PITPNM3: variants seen among roughly 807,000 people sequenced by gnomAD.
PITPNM3 encodes PITPNM family member 3, also known as membrane-associated phosphatidylinositol transfer protein 3.
Under a neutral mutation model 102.0 loss-of-function variants are expected in PITPNM3, and 26 were observed. The observed-to-expected ratio is 0.25, with a 90% CI of 0.19 to 0.35. The LOEUF is 0.35. PITPNM3 is among the 10% of genes least tolerant of loss of function. The pLI, the probability that PITPNM3 is intolerant of heterozygous loss-of-function variation, is 1.00. For missense variants in PITPNM3, 1,083 were observed against 1,346.1 expected, an observed-to-expected ratio of 0.80 and a Z score of 3.06; for synonymous variants, 578 against 558.6, an observed-to-expected ratio of 1.03 and a Z score of -0.49.
chr17:6,524,591 C>T (rs1331987229), intron 3 of PITPNM3, among the ~76,000 whole-genome samples: 2 of 152,152 alleles, frequency 1.3e-5, no homozygotes, highest in African/African-American at 2.4e-5. Context: ...AGGAGCCCTT[C>T]CTGGATCCCC....
chr17:6,549,874 T>C (rs1023813548), intron 1 of PITPNM3, among the ~76,000 whole-genome samples: 3 of 152,290 alleles, frequency 2.0e-5, no homozygotes, highest in Non-Finnish European at 4.4e-5. Context: ...GGTGATGGCC[T>C]GCCAGGAGGC....
At chr17:6,498,758 G>A (rs1906992175) in intron 4 of PITPNM3, among the ~76,000 whole-genome samples, 2 of 152,150 alleles carry the variant, frequency 1.3e-5, no homozygotes, top group Admixed American at 1.3e-4. Context: ...TTCTGGCTTG[G>A]ATTCATGGAG....
intron 2 of PITPNM3, among the ~76,000 whole-genome samples, chr17:6,531,083 C>T (rs559400809): frequency 3.9e-4 from 60 of 152,166 alleles, no homozygotes; most frequent in Admixed American, 1.4e-3. Flanking sequence ...ATGAAACCAC[C>T]TCTGTTTGTA....
rs545669280 is a variant in PITPNM3, at chr17:6,507,030, C to T, written c.227-3456G>A. ...GCCCAGGGTGGGGACAGCTGCCTCG[C>T]CCCAAGACATGGTGGAGTATAAGCA... On this transcript the variant is annotated intron_variant, in intron 3 of 19. Coordinates refer to ENST00000262483, the MANE Select transcript of PITPNM3 (RefSeq NM_031220.4). Among the ~76,000 whole-genome samples, 3 of 152,310 alleles carry T rather than the reference C, an allele frequency of 2.0e-5. No homozygotes were observed. The East Asian group carries it at 5.8e-4, about 29-fold the overall frequency.
chr17:6,524,261 C>T lies in PITPNM3; in HGVS notation c.226+1095G>A, dbSNP rs754482218. ...CACTCGGCAACTCTGGGCCAGAGCA[C>T]GACTGCGAATGACAGGAGCAATAGA... is the stretch of plus-strand genomic sequence containing the variant. On this transcript the variant is annotated intron_variant, in intron 3 of 19. Coordinates refer to ENST00000262483, the MANE Select transcript of PITPNM3 (RefSeq NM_031220.4). Among the ~76,000 whole-genome samples, 8 of 151,890 alleles carry T rather than the reference C, an allele frequency of 5.3e-5. No individual in the cohort carries two copies. In the South Asian group the frequency reaches 6.2e-4, roughly 12 times the overall value.
At chr17:6,503,460 C>A (rs1375340990) in intron 4 of PITPNM3, 67 bp downstream of exon 4, 1 of 1,547,200 alleles carries the variant, frequency 6.5e-7, no homozygotes, top group East Asian at 2.2e-5. Flanking sequence ...GAGAGGGGAC[C>A]CAGGCTCAAT....
In PITPNM3 at chr17:6,457,770, C is replaced by G. The variant is rs1381420697; in HGVS notation, c.2491-48G>C. On this transcript the variant is annotated intron_variant, in intron 18 of 19. Transcript: ENST00000262483. The surrounding 1 kb of genome is among the most constrained non-coding windows in gnomAD (Gnocchi z 4.7). ...GGGGAGAGTGAGGCCAGCCCACCCCCTGGAAAGCCTTCCCAGGCCAACCCC... is the reference window on the plus strand; with the variant it reads ...GGGGAGAGTGAGGCCAGCCCACCCCGTGGAAAGCCTTCCCAGGCCAACCCC... The G allele has an allele frequency of 6.4e-7, 1 of 1,552,612 alleles. No homozygotes were observed. Among genetic ancestry groups the G allele is most frequent in the Admixed American group, 1.9e-5 (1 of 51,290 alleles).
At chr17:6,493,098 A>C (rs1462219388) in intron 4 of PITPNM3, among the ~76,000 whole-genome samples, 1 of 152,188 alleles carries the variant, frequency 6.6e-6, no homozygotes, top group Non-Finnish European at 1.5e-5. Flanking sequence ...TCAATGACAA[A>C]GACCTAGGTC....
chr17:6,519,762 A>T (rs1908405374), intron 3 of PITPNM3, among the ~76,000 whole-genome samples: 1 of 151,520 alleles, frequency 6.6e-6, no homozygotes, highest in South Asian at 2.1e-4. Flanking sequence ...CCCAGGAGGC[A>T]GAGGTTGCAG....
chr17:6,528,426 TTC>T (rs1392482056), intron 2 of PITPNM3, among the ~76,000 whole-genome samples: 1 of 152,128 alleles, frequency 6.6e-6, no homozygotes, highest in African/African-American at 2.4e-5. Flanking sequence ...CCCCTCCCTG[TTC>T]TCTCTTGCTA....
chr17:6,468,080 G>T lies in PITPNM3; in HGVS notation c.1890+145C>A. ...CAGCTGCAGTGCCTGGGCTCCATCT[G>T]AGTGTGAGCCCCAGCCTGTTTGGGT... On this transcript the variant is annotated intron_variant, in intron 14 of 19. Transcript: ENST00000262483. The surrounding 1 kb of genome is among the most constrained non-coding windows in gnomAD (Gnocchi z 5.2). 6.2e-6 allele frequency: 5 copies of T among 801,322 alleles called. No individual in the cohort carries two copies. Among genetic ancestry groups the T allele is most frequent in the Non-Finnish European group, 1.1e-5 (5 of 472,210 alleles). 49.6% of individuals were successfully genotyped at this position (801,322 alleles called of 1,614,324 possible).
rs769406441 is a variant in PITPNM3, at chr17:6,483,737, G to A, written c.367C>T (p.Arg123Cys). ...AGGAGGACATGTGTCTTGCAGGAGC[G>A]CTGCGGGCAGCCTTCCTGAGAGCCA... ...HEDSEEGCPQ[R>C]SCKTHVLLLV... is the part of the protein sequence containing the mutation. Residue 123 changes from arginine to cysteine, a missense_variant, in exon 6 of 20, where the codon CGC becomes TGC. Transcript: ENST00000262483. The A allele has an allele frequency of 1.3e-5, 21 of 1,612,618 alleles. No individual in the cohort carries two copies. The highest frequency in any genetic ancestry group is 4.5e-5 in the East Asian group (2 of 44,870).
At chr17:6,499,737 T>A (rs1172691479) in intron 4 of PITPNM3, among the ~76,000 whole-genome samples, 1 of 151,986 alleles carries the variant, frequency 6.6e-6, no homozygotes, top group Admixed American at 6.6e-5. Context: ...TATTTATATT[T>A]TATTTTATTT....
chr17:6,508,891 G>A (rs925289834), intron 3 of PITPNM3, among the ~76,000 whole-genome samples: 1 of 152,162 alleles, frequency 6.6e-6, no homozygotes, highest in Non-Finnish European at 1.5e-5. Flanking sequence ...GCTTGAACCT[G>A]GCTTCCTGAT....
rs951268846 is a variant in PITPNM3, at chr17:6,470,615, T to C, written c.1625-207A>G. Among the ~76,000 whole-genome samples the C allele has an allele frequency of 3.3e-5, 5 of 152,120 alleles. No homozygotes were observed. The highest frequency in any genetic ancestry group is 1.2e-4 in the African/African-American group (5 of 41,426). ...AACCCACCAGCCCTCCCCTAAGATG[T>C]GCGTGCCAAGCCCATGCCCAGGAAG... On this transcript the variant is annotated intron_variant, in intron 12 of 19. Coordinates refer to ENST00000262483, the MANE Select transcript of PITPNM3 (RefSeq NM_031220.4). This position sits in a 1 kb window ranked among gnomAD's most constrained non-coding sequence, Gnocchi z 4.8.
chr17:6,532,561 G>A (rs1909202038), intron 2 of PITPNM3, among the ~76,000 whole-genome samples: 1 of 152,054 alleles, frequency 6.6e-6, no homozygotes, highest in Non-Finnish European at 1.5e-5. Flanking sequence ...TCATGTCCTA[G>A]ACTTGTGTAT....
chr17:6,497,999 C>T (rs1242964516), intron 4 of PITPNM3, among the ~76,000 whole-genome samples: 1 of 152,176 alleles, frequency 6.6e-6, no homozygotes, highest in Admixed American at 6.5e-5. Context: ...AATGTCATGC[C>T]TCCTCCCACC....
chr17:6,470,299 G>A lies in PITPNM3; in HGVS notation c.1734C>T (p.Tyr578=), dbSNP rs1330542393. Residue 578 remains tyrosine (Y), a synonymous_variant, in exon 13 of 20, where the codon TAC becomes TAT. Coordinates refer to ENST00000262483, the MANE Select transcript of PITPNM3 (RefSeq NM_031220.4). The surrounding 1 kb of genome is among the most constrained non-coding windows in gnomAD (Gnocchi z 4.8). ...AGGCCACCACGTCTGTGGACTCCCA[G>A]TAACTGGCGTGGAAGAGGTGGGGCA... ...VALPHLFHAS[Y]WESTDVVAFI... The A allele has an allele frequency of 6.2e-7, 1 of 1,613,566 alleles. No homozygotes were observed. Among genetic ancestry groups the A allele is most frequent in the Non-Finnish European group, 8.5e-7 (1 of 1,179,822 alleles).
rs1395062635 is a variant in PITPNM3, at chr17:6,537,709, A to C, written c.118+278T>G. ...CTGCCTCTCCTGCAAGGCTATAAGT[A>C]TGATGAGAGCAGCAATGTGACGACT... is the stretch of plus-strand genomic sequence containing the variant. On this transcript the variant is annotated intron_variant, in intron 2 of 19. Coordinates refer to ENST00000262483, the MANE Select transcript of PITPNM3 (RefSeq NM_031220.4). This position sits in a 1 kb window ranked among gnomAD's most constrained non-coding sequence, Gnocchi z 4.4. Among the ~76,000 whole-genome samples, 1 of 152,218 alleles carries C rather than the reference A, an allele frequency of 6.6e-6. No homozygotes were observed. Among genetic ancestry groups the C allele is most frequent in the Non-Finnish European group, 1.5e-5 (1 of 68,036 alleles).
Sources: gnomAD v4.1 joint callset for allele counts (sites outside exome capture counted in the v4.1 genomes callset) on GRCh38, gnomAD v4.1.1 for gene constraint, Gnocchi (gnomAD v3.1) non-coding constraint, MANE v1.5 for transcripts, NCBI Gene and HGNC (gene_info 2026-07-23, HGNC 2026-07-21) for gene names.